Variants in PHACTR1 observed in about 807,000 individuals in gnomAD.
PHACTR1 encodes phosphatase and actin regulator 1.
Under a neutral mutation model 69.2 loss-of-function variants are expected in PHACTR1, and 16 were observed. That is an observed-to-expected ratio of 0.23 (90% CI 0.16 to 0.35). The LOEUF (loss-of-function observed/expected upper bound fraction) is 0.35. Among genes scored for constraint, PHACTR1 ranks in the 10% least tolerant of loss-of-function variants. PHACTR1 has a pLI of 1.00. For synonymous variants in PHACTR1, 312 were observed against 284.5 expected, an observed-to-expected ratio of 1.10 and a Z score of -0.97; for missense variants, 510 against 734.7, an observed-to-expected ratio of 0.69 and a Z score of 3.54.
intron 4 of PHACTR1, among the ~76,000 whole-genome samples, chr6:12,789,498 T>C (rs553782057): frequency 2.0e-5 from 3 of 152,252 alleles, no homozygotes; most frequent in African/African-American, 7.2e-5. Context: ...TTAAATACTA[T>C]ATATGAAGAG....
intron 4 of PHACTR1, among the ~76,000 whole-genome samples, chr6:12,874,734 C>T (rs1052402802): frequency 6.6e-6 from 1 of 152,200 alleles, no homozygotes; most frequent in Non-Finnish European, 1.5e-5. Context: ...CAGTGGGTCT[C>T]TGCCTTGAAC....
At chr6:12,753,845 C>T (rs530471737) in intron 4 of PHACTR1, among the ~76,000 whole-genome samples, 3 of 151,908 alleles carry the variant, frequency 2.0e-5, no homozygotes, top group South Asian at 2.1e-4. Context: ...CCACCCTTAT[C>T]GCTTAGCTAA....
At chr6:12,954,879 A>G (rs1246555723) in intron 4 of PHACTR1, among the ~76,000 whole-genome samples, 3 of 152,208 alleles carry the variant, frequency 2.0e-5, no homozygotes, top group African/African-American at 7.2e-5. Context: ...TAACCTCAAA[A>G]TGGCCATATA....
At chr6:12,817,799 T>C (rs920088449) in intron 4 of PHACTR1, among the ~76,000 whole-genome samples, 10 of 152,098 alleles carry the variant, frequency 6.6e-5, no homozygotes, top group Non-Finnish European at 2.9e-5. Context: ...CACTACCAAT[T>C]AAAGGTAAGC....
intron 4 of PHACTR1, among the ~76,000 whole-genome samples, chr6:12,767,948 G>A (rs1483686242): frequency 6.6e-6 from 1 of 152,072 alleles, no homozygotes; most frequent in Non-Finnish European, 1.5e-5. Context: ...TGCATAATGG[G>A]CTTGGCGTTT....
At chr6:12,996,793 T>C (rs2127615535) in intron 4 of PHACTR1, among the ~76,000 whole-genome samples, 1 of 152,354 alleles carries the variant, frequency 6.6e-6, no homozygotes, top group South Asian at 2.1e-4. Context: ...ATCTAATTTA[T>C]GAACGTAAAT....
intron 8 of PHACTR1, 128 bp downstream of exon 8, chr6:13,206,264 G>A: frequency 7.7e-6 from 8 of 1,045,668 alleles, no homozygotes; most frequent in South Asian, 2.0e-5. Flanking sequence ...ATGTTTGAAA[G>A]TAAAATGAGA....
At chr6:12,965,316 G>T (rs978219421) in intron 4 of PHACTR1, among the ~76,000 whole-genome samples, 3 of 152,168 alleles carry the variant, frequency 2.0e-5, no homozygotes, top group South Asian at 4.1e-4. Flanking sequence ...ATCAGTCCTT[G>T]TGGCGTTTTC....
At position 13,163,017 on chromosome 6, in the gene PHACTR1, G is replaced by A. The variant is rs564523741; in HGVS notation, c.496+2733G>A. Among the ~76,000 whole-genome samples the A allele has an allele frequency of 5.9e-4, 90 of 152,284 alleles. 1 individual carries two copies. The highest frequency in any genetic ancestry group is 1.9e-3 in the African/African-American group (79 of 41,592). On this transcript the variant is annotated intron_variant, in intron 6 of 14. Coordinates refer to ENST00000332995, the MANE Select transcript of PHACTR1 (RefSeq NM_030948.6). ...TCCCAGCACTTTGGGAGGCCAAGGC[G>A]GTGGATCGCTTGAGGTCAGGAGTTC... is the stretch of plus-strand genomic sequence containing the variant.
At chr6:13,139,320 A>G (rs1822050175) in intron 5 of PHACTR1, among the ~76,000 whole-genome samples, 1 of 152,214 alleles carries the variant, frequency 6.6e-6, no homozygotes, top group Admixed American at 6.5e-5. Context: ...TACTGTCTGC[A>G]GCTGCTACAG....
intron 4 of PHACTR1, among the ~76,000 whole-genome samples, chr6:12,893,838 T>C (rs376812938): frequency 2.0e-5 from 3 of 152,298 alleles, no homozygotes; most frequent in South Asian, 2.1e-4. Context: ...TGGGCTTCCA[T>C]ATTTAGCAAA....
chr6:13,090,046 G>GT (rs1459015207), intron 5 of PHACTR1, among the ~76,000 whole-genome samples: 3 of 151,786 alleles, frequency 2.0e-5, no homozygotes, highest in African/African-American at 4.8e-5. Context: ...ATTGTTTTGG[G>GT]TTTTTTTGTT....
intron 4 of PHACTR1, among the ~76,000 whole-genome samples, chr6:13,030,953 C>T (rs1802376263): frequency 6.6e-6 from 1 of 152,208 alleles, no homozygotes; most frequent in Non-Finnish European, 1.5e-5. Flanking sequence ...GCAGGATGTT[C>T]AGCAGTATCC....
At chr6:12,960,805 G>A (rs1017747863) in intron 4 of PHACTR1, among the ~76,000 whole-genome samples, 3 of 152,196 alleles carry the variant, frequency 2.0e-5, no homozygotes, top group Admixed American at 6.5e-5. Context: ...AGTGATCCAT[G>A]ACTATACAAT....
At position 12,933,872 on chromosome 6, in the gene PHACTR1, GA is replaced by G. The variant is rs761221447; in HGVS notation, c.251-119492del. 60 of 1,612,574 alleles carry G rather than the reference GA, an allele frequency of 3.7e-5. 1 individual carries two copies. In the South Asian group the frequency reaches 6.3e-4, roughly 17 times the overall value. ...AAGGAGGGTGGTTTGGCTGCCTTTA[GA>G]GGGGGAAGAGTTTGGCTGAGAGGAC... On this transcript the variant is annotated intron_variant, in intron 4 of 14. Coordinates refer to ENST00000332995, the MANE Select transcript of PHACTR1 (RefSeq NM_030948.6).
intron 7 of PHACTR1, 23 bp downstream of exon 7, chr6:13,182,709 G>C (rs1762346773): frequency 6.7e-7 from 1 of 1,502,218 alleles, no homozygotes; most frequent in Non-Finnish European, 8.9e-7. Context: ...CAGGATTGTA[G>C]AGCAGGTCCC....
chr6:12,971,966 A>G (rs1232211494), intron 4 of PHACTR1, among the ~76,000 whole-genome samples: 1 of 152,212 alleles, frequency 6.6e-6, no homozygotes, highest in Non-Finnish European at 1.5e-5. Flanking sequence ...TTGGGGTGAG[A>G]GGAAGAGAAC....
chr6:12,805,597 T>C (rs111603725), intron 4 of PHACTR1, among the ~76,000 whole-genome samples: 12 of 147,674 alleles, frequency 8.1e-5, no homozygotes, highest in Non-Finnish European at 1.2e-4. Context: ...CTGTCTCTCT[T>C]TCTTTCTTTC....
intron 4 of PHACTR1, among the ~76,000 whole-genome samples, chr6:12,994,547 G>A (rs905659505): frequency 6.6e-6 from 1 of 152,102 alleles, no homozygotes; most frequent in East Asian, 1.9e-4. Flanking sequence ...AAACTAGGAA[G>A]TGTAATCATA....
Sources: allele counts gnomAD v4.1 joint callset (sites outside exome capture counted in the v4.1 genomes callset), GRCh38; gene constraint gnomAD v4.1.1; transcripts MANE v1.5; gene names NCBI Gene and HGNC (gene_info 2026-07-23, HGNC 2026-07-21).